The following SLC9A4 variants were observed in gnomAD, a reference collection of about 807,000 sequenced individuals.
SLC9A4 encodes the protein solute carrier family 9 member A4.
A neutral mutation model predicts 67.4 loss-of-function variants in SLC9A4; 63 were observed. That is an observed-to-expected ratio of 0.93 (90% CI 0.76 to 1.15). The LOEUF (loss-of-function observed/expected upper bound fraction) is 1.15. SLC9A4 is among the 50% of genes most tolerant of loss of function. The probability of loss-of-function intolerance (pLI) is 0.00; values close to 1 mark genes in which losing one functional copy is unlikely to be tolerated. For missense variants in SLC9A4, 1,089 were observed against 987.7 expected (o/e 1.10, Z -1.38); for synonymous variants, 393 against 367.2 (o/e 1.07, Z -0.80).
intron 4 of SLC9A4, 120 bp from the exon 5 acceptor site, chr2:102,507,959 G>T: frequency 1.2e-6 from 1 of 869,062 alleles, no homozygotes; most frequent in Non-Finnish European, 1.9e-6. Context: ...ACAATCATGG[G>T]TGTATGATGG....
In SLC9A4 at chr2:102,497,771, T is replaced by G. The variant is rs528661828; in HGVS notation, c.721-5677T>G. ...GCGATGGCTTTATGAGTATCTACAA[T>G]GCCCAGAATTCATTCATTTTAGATG... On this transcript the variant is annotated intron_variant, in intron 2 of 11. Transcript: ENST00000295269. Among the ~76,000 whole-genome samples, 2 of 152,370 alleles carry G rather than the reference T, an allele frequency of 1.3e-5. 1 individual carries two copies. Among genetic ancestry groups the G allele is most frequent in the Admixed American group, 1.3e-4 (2 of 15,314 alleles).
intron 9 of SLC9A4, among the ~76,000 whole-genome samples, chr2:102,521,542 G>A (rs996484067): frequency 6.6e-6 from 1 of 152,070 alleles, no homozygotes; most frequent in Non-Finnish European, 1.5e-5. Flanking sequence ...TGCTTACTCC[G>A]TAAGTCAAAC....
intron 2 of SLC9A4, among the ~76,000 whole-genome samples, chr2:102,486,838 A>G (rs10172588): frequency 0.77 from 117,543 of 152,078 alleles, 46,625 homozygotes; most frequent in African/African-American, 0.92. Flanking sequence ...TGCCAGAGAT[A>G]GGTCCACACA....
intron 2 of SLC9A4, among the ~76,000 whole-genome samples, chr2:102,482,168 G>T (rs1174179815): frequency 6.6e-6 from 1 of 152,158 alleles, no homozygotes; most frequent in Non-Finnish European, 1.5e-5. Flanking sequence ...ACTGTCATAG[G>T]ATTCAGAGAT....
At chr2:102,502,733 G>A (rs1195622431) in intron 2 of SLC9A4, among the ~76,000 whole-genome samples, 1 of 152,250 alleles carries the variant, frequency 6.6e-6, no homozygotes. Flanking sequence ...CCCTGTGCCA[G>A]GGCTGCAGTG....
chr2:102,506,487 A>G (rs1265958134), intron 4 of SLC9A4, among the ~76,000 whole-genome samples: 1 of 152,212 alleles, frequency 6.6e-6, no homozygotes, highest in Admixed American at 6.5e-5. Context: ...AACTCTGAAT[A>G]TATATGTTTG....
Position 102,519,147 on chromosome 2 carries a change from G to A in SLC9A4, c.1722-712G>A, listed in dbSNP as rs192821578. On this transcript the variant is annotated intron_variant, in intron 8 of 11. Coordinates refer to ENST00000295269, the MANE Select transcript of SLC9A4 (RefSeq NM_001011552.4). ...ACTAACCTGGGCACAGGCATAACCC[G>A]TTTTTTAATCCCTTTCAGAGGTGGG... 5.2e-4 allele frequency among the ~76,000 whole-genome samples: 79 copies of A among 152,262 alleles called. 1 individual carries two copies. The highest frequency in any genetic ancestry group is 1.4e-3 in the South Asian group (7 of 4,828).
At chr2:102,521,457 G>T (rs1685417701) in intron 9 of SLC9A4, among the ~76,000 whole-genome samples, 1 of 152,112 alleles carries the variant, frequency 6.6e-6, no homozygotes, top group African/African-American at 2.4e-5. Flanking sequence ...ATGACCTTGG[G>T]AGCCAAATGG....
In SLC9A4 at chr2:102,526,211, T is replaced by C. The variant is rs527393833; in HGVS notation, c.1951-48T>C. On this transcript the variant is annotated intron_variant, in intron 10 of 11. Coordinates refer to ENST00000295269, the MANE Select transcript of SLC9A4 (RefSeq NM_001011552.4). The stretch of plus-strand genomic sequence containing the variant: ...CCCTTTATTTGCCATGTGAAGCTCT[T>C]AATTGAGACAGCTTATTCTGCTTTT... The C allele has an allele frequency of 3.8e-6, 6 of 1,585,538 alleles. No individual in the cohort carries two copies. The South Asian group carries it at 6.6e-5, about 18-fold the overall frequency.
intron 2 of SLC9A4, among the ~76,000 whole-genome samples, chr2:102,483,841 T>TATATACACAC (rs370126753): frequency 5.5e-4 from 70 of 126,740 alleles, no homozygotes; most frequent in African/African-American, 1.3e-3. Flanking sequence ...TATATATATA[T>TATATACACAC]ACACACACAC....
At chr2:102,485,232 T>C (rs1684562243) in intron 2 of SLC9A4, among the ~76,000 whole-genome samples, 1 of 152,206 alleles carries the variant, frequency 6.6e-6, no homozygotes, top group Non-Finnish European at 1.5e-5. Context: ...CAGATTCTCA[T>C]AGAAGTCATT....
At chr2:102,529,978 T>C (rs1671901902) in intron 11 of SLC9A4, among the ~76,000 whole-genome samples, 1 of 152,170 alleles carries the variant, frequency 6.6e-6, no homozygotes, top group African/African-American at 2.4e-5. Flanking sequence ...TCAAGGCAGA[T>C]GAAAAAGCTC....
At chr2:102,525,504 G>T (rs1674643080) in intron 10 of SLC9A4, among the ~76,000 whole-genome samples, 1 of 150,966 alleles carries the variant, frequency 6.6e-6, no homozygotes, top group Non-Finnish European at 1.5e-5. Flanking sequence ...ATGGGGTCTG[G>T]GTCTGGACCA....
Position 102,499,830 on chromosome 2 carries a change from T to C in SLC9A4, c.721-3618T>C, listed in dbSNP as rs578240293. Among the ~76,000 whole-genome samples, 7 of 152,340 alleles carry C rather than the reference T, an allele frequency of 4.6e-5. No individual in the cohort carries two copies. In the East Asian group the frequency reaches 1.3e-3, roughly 29 times the overall value. ...CTAATTTATACACTCAAAACCTGCA[T>C]CCTAGGCTCTCTTAAGAAACATGAT... On this transcript the variant is annotated intron_variant, in intron 2 of 11. Transcript: ENST00000295269.
At chr2:102,525,988 T>A (rs1176099610) in intron 10 of SLC9A4, among the ~76,000 whole-genome samples, 3 of 152,086 alleles carry the variant, frequency 2.0e-5, no homozygotes, top group African/African-American at 7.2e-5. Flanking sequence ...CCCGGGTTCA[T>A]GCGATTCTCC....
chr2:102,525,188 C>A, intron 10 of SLC9A4, 33 bp downstream of exon 10: 1 of 1,613,130 alleles, frequency 6.2e-7, no homozygotes, highest in South Asian at 1.1e-5. Context: ...GACATTCCTT[C>A]AGTGTGCAAG....
intron 4 of SLC9A4, among the ~76,000 whole-genome samples, chr2:102,507,783 T>C (rs571217096): frequency 1.3e-5 from 2 of 152,276 alleles, no homozygotes; most frequent in Non-Finnish European, 2.9e-5. Flanking sequence ...TTAGAAAATA[T>C]ATACCTTACA....
intron 11 of SLC9A4, among the ~76,000 whole-genome samples, chr2:102,531,375 A>G (rs1674776476): frequency 6.6e-6 from 1 of 152,192 alleles, no homozygotes; most frequent in South Asian, 2.1e-4. Context: ...TGGGGACAAG[A>G]CAATGTCCCA....
At chr2:102,515,023 G>A (rs1407238874) in intron 8 of SLC9A4, among the ~76,000 whole-genome samples, 2 of 152,070 alleles carry the variant, frequency 1.3e-5, no homozygotes, top group African/African-American at 4.8e-5. Context: ...TTTAATGAGA[G>A]CCCCTTCAAT....
Sources: allele counts gnomAD v4.1 joint callset (sites outside exome capture counted in the v4.1 genomes callset), GRCh38; gene constraint gnomAD v4.1.1; transcripts MANE v1.5; gene names NCBI Gene and HGNC (gene_info 2026-07-23, HGNC 2026-07-21).